Variants in ADAMTS12 observed in about 807,000 individuals in gnomAD.
ADAMTS12 encodes the protein A disintegrin and metalloproteinase with thrombospondin motifs 12.
In ADAMTS12, 118 loss-of-function variants were observed where a neutral mutation model predicts 167.8. That is an observed-to-expected ratio of 0.70 (90% confidence interval 0.61 to 0.82). The LOEUF (loss-of-function observed/expected upper bound fraction) is 0.82, where lower values mean the gene tolerates loss of function less well. ADAMTS12 is among the 40% of genes least tolerant of loss of function. The probability of loss-of-function intolerance (pLI) is 0.00; values close to 1 mark genes in which losing one functional copy is unlikely to be tolerated. For synonymous variants in ADAMTS12, 704 were observed against 716.9 expected (o/e 0.98, Z 0.29); for missense variants, 1,916 against 1,998.8 (o/e 0.96, Z 0.79).
chr5:33,870,099 T>G (rs1010670159), intron 2 of ADAMTS12, among the ~76,000 whole-genome samples: 3 of 152,216 alleles, frequency 2.0e-5, no homozygotes, highest in African/African-American at 7.2e-5. Context: ...TCAGACCTAA[T>G]GGTTATCTCC....
chr5:33,842,265 A>C (rs919804534), intron 2 of ADAMTS12, among the ~76,000 whole-genome samples: 2 of 152,220 alleles, frequency 1.3e-5, no homozygotes, highest in African/African-American at 4.8e-5. Context: ...TGCTTTCTTC[A>C]TGCCTTTTCT....
intron 3 of ADAMTS12, among the ~76,000 whole-genome samples, chr5:33,689,829 G>A (rs994709779): frequency 6.6e-6 from 1 of 152,098 alleles, no homozygotes; most frequent in Non-Finnish European, 1.5e-5. Context: ...ATTTTTTTAA[G>A]GGTCATGGAA....
intron 18 of ADAMTS12, among the ~76,000 whole-genome samples, chr5:33,578,972 C>T (rs1469932537): frequency 2.0e-5 from 3 of 152,168 alleles, no homozygotes; most frequent in Non-Finnish European, 4.4e-5. Flanking sequence ...GGAAATGATG[C>T]TTAATGCACA....
At position 33,759,363 on chromosome 5, in the gene ADAMTS12, C is replaced by T. The variant is rs75437121; in HGVS notation, c.490-7815G>A. ...TTTTTCTCTAGTAAAAGAAGCCAGA[C>T]TTCAGAGACAGGCTAAGTTCAGCAC... On this transcript the variant is annotated intron_variant, in intron 2 of 23. Coordinates refer to ENST00000504830, the MANE Select transcript of ADAMTS12 (RefSeq NM_030955.4). Among the ~76,000 whole-genome samples, 547 of 152,368 alleles carry T rather than the reference C, an allele frequency of 3.6e-3. 9 individuals are homozygous for T. The highest frequency in any genetic ancestry group is 0.027 in the Admixed American group (416 of 15,306).
intron 3 of ADAMTS12, among the ~76,000 whole-genome samples, chr5:33,703,040 G>A (rs564640777): frequency 1.3e-5 from 2 of 152,194 alleles, no homozygotes; most frequent in African/African-American, 2.4e-5. Flanking sequence ...ACCTTGAATC[G>A]TACCATTGAG....
At chr5:33,844,330 T>G (rs752174293) in intron 2 of ADAMTS12, among the ~76,000 whole-genome samples, 8 of 152,176 alleles carry the variant, frequency 5.3e-5, no homozygotes, top group Non-Finnish European at 8.8e-5. Context: ...AGAGCCATAT[T>G]TCTCTTCTTT....
rs572951485 is a variant in ADAMTS12 at position 33,842,582 on chromosome 5, C to T, written c.489+38537G>A. On this transcript the variant is annotated intron_variant, in intron 2 of 23. Transcript: ENST00000504830. ...TTTTCATGCTGAAATTAGCACAAAG[C>T]TTACTTAATATCCAGAGTGCTGCAT... is the stretch of plus-strand genomic sequence containing the variant. 2.6e-5 allele frequency among the ~76,000 whole-genome samples: 4 copies of T among 152,322 alleles called. No homozygotes were observed. The East Asian group carries it at 7.7e-4, about 29-fold the overall frequency.
chr5:33,766,289 T>C (rs975439733), intron 2 of ADAMTS12, among the ~76,000 whole-genome samples: 1 of 152,210 alleles, frequency 6.6e-6, no homozygotes, highest in African/African-American at 2.4e-5. Flanking sequence ...AGTGGCATGT[T>C]ATCTCTGCTG....
At chr5:33,696,540 G>C (rs4461641) in intron 3 of ADAMTS12, among the ~76,000 whole-genome samples, 114,784 of 151,990 alleles carry the variant, frequency 0.76, 43,624 homozygotes, top group South Asian at 0.86. Context: ...TTCTTTTCCG[G>C]GACCCTAACT....
At chr5:33,529,860 C>T (rs1022074991) in intron 23 of ADAMTS12, among the ~76,000 whole-genome samples, 14 of 152,170 alleles carry the variant, frequency 9.2e-5, no homozygotes, top group Admixed American at 2.6e-4. Context: ...CTTATAAAAA[C>T]CCTGTCTCTC....
chr5:33,648,942 A>G lies in ADAMTS12; in HGVS notation c.1359T>C (p.Asp453=). 3 of 1,614,072 alleles carry G rather than the reference A, an allele frequency of 1.9e-6. No homozygotes were observed. Among genetic ancestry groups the G allele is most frequent in the Non-Finnish European group, 2.5e-6 (3 of 1,179,944 alleles). Residue 453 remains aspartate, a synonymous_variant, in exon 9 of 24, where the codon GAT becomes GAC. Coordinates refer to ENST00000504830, the MANE Select transcript of ADAMTS12 (RefSeq NM_030955.4). ...TCAAGCCTTTCTTTTTAGGTATGTCATCAAGACAGAACCCCCAGCCTCGGC... is the reference window on the plus strand; with the variant it reads ...TCAAGCCTTTCTTTTTAGGTATGTCGTCAAGACAGAACCCCCAGCCTCGGC... ...FLDRGWGFCL[D]DIPKKKGLKS...
At chr5:33,767,422 A>G (rs1034819786) in intron 2 of ADAMTS12, among the ~76,000 whole-genome samples, 1 of 151,964 alleles carries the variant, frequency 6.6e-6, no homozygotes, top group Non-Finnish European at 1.5e-5. Context: ...ATTAATTTTT[A>G]TTTTCCTCTT....
At chr5:33,875,948 GAC>G (rs1417151565) in intron 2 of ADAMTS12, among the ~76,000 whole-genome samples, 3 of 152,066 alleles carry the variant, frequency 2.0e-5, no homozygotes, top group Non-Finnish European at 4.4e-5. Flanking sequence ...GGGTTAATAA[GAC>G]AGTTTAGCAA....
At chr5:33,745,255 G>C (rs73086122) in intron 3 of ADAMTS12, among the ~76,000 whole-genome samples, 1,571 of 152,254 alleles carry the variant, frequency 0.01, 24 homozygotes, top group African/African-American at 0.036. Context: ...AACAGAACAA[G>C]CCTCCTCCTG....
intron 10 of ADAMTS12, among the ~76,000 whole-genome samples, chr5:33,642,769 A>G (rs1443381230): frequency 6.6e-6 from 1 of 151,806 alleles, no homozygotes; most frequent in Non-Finnish European, 1.5e-5. Context: ...GCCACTGTGT[A>G]TTTTGCCCGG....
chr5:33,705,638 C>T (rs6860816), intron 3 of ADAMTS12, among the ~76,000 whole-genome samples: 92,670 of 151,678 alleles, frequency 0.61, 29,463 homozygotes, highest in Non-Finnish European at 0.69. Flanking sequence ...CGTGTGAAAC[C>T]ATCTCTACTA....
chr5:33,784,999 G>C (rs1440517481), intron 2 of ADAMTS12, among the ~76,000 whole-genome samples: 1 of 152,046 alleles, frequency 6.6e-6, no homozygotes, highest in African/African-American at 2.4e-5. Context: ...GAAGAAAATA[G>C]TGAGCAGTTA....
intron 19 of ADAMTS12, among the ~76,000 whole-genome samples, chr5:33,564,017 C>A (rs557558185): frequency 6.6e-6 from 1 of 152,358 alleles, no homozygotes; most frequent in Non-Finnish European, 1.5e-5. Flanking sequence ...ACAGTGTTAG[C>A]TCAGCTTTTA....
chr5:33,613,411 C>T (rs1033452798), intron 16 of ADAMTS12, among the ~76,000 whole-genome samples: 1 of 152,168 alleles, frequency 6.6e-6, no homozygotes, highest in Non-Finnish European at 1.5e-5. Context: ...TCCACGTACC[C>T]CTCCATAATT....
Sources: gnomAD v4.1 joint callset for allele counts (sites outside exome capture counted in the v4.1 genomes callset) on GRCh38, gnomAD v4.1.1 for gene constraint, MANE v1.5 for transcripts, NCBI Gene and HGNC (gene_info 2026-07-23, HGNC 2026-07-21) for gene names.